The following CCDC178 variants were observed in gnomAD, a reference collection of about 807,000 sequenced individuals.
The protein encoded by CCDC178 is coiled-coil domain containing 178.
A neutral mutation model predicts 117.4 loss-of-function variants in CCDC178; 126 were observed. The observed-to-expected ratio is 1.07, with a 90% CI of 0.93 to 1.24. CCDC178 has a LOEUF of 1.24. Ranked by LOEUF, CCDC178 falls within the 50% of genes most tolerant of loss-of-function variation. The pLI is 0.00. For missense variants in CCDC178, 1,030 were observed against 986.9 expected (o/e 1.04, Z -0.59); for synonymous variants, 283 against 313.4 (o/e 0.90, Z 1.02).
chr18:32,943,971 T>G (rs2054293878), intron 22 of CCDC178, among the ~76,000 whole-genome samples: 1 of 152,208 alleles, frequency 6.6e-6, no homozygotes, highest in Admixed American at 6.5e-5. Context: ...CTTTCATATA[T>G]TCATGCAACA....
chr18:33,041,149 A>C (rs1404798040), intron 21 of CCDC178, among the ~76,000 whole-genome samples: 10 of 151,876 alleles, frequency 6.6e-5, no homozygotes, highest in Non-Finnish European at 1.3e-4. Flanking sequence ...CAAGACACAA[A>C]ATTTAAAATT....
At chr18:33,312,069 A>C (rs1422838695) in intron 11 of CCDC178, among the ~76,000 whole-genome samples, 2 of 152,218 alleles carry the variant, frequency 1.3e-5, no homozygotes, top group Non-Finnish European at 2.9e-5. Flanking sequence ...TCTGTTAAGA[A>C]ACTAAATGGA....
chr18:33,433,705 G>C (rs1257700601), intron 2 of CCDC178, among the ~76,000 whole-genome samples: 3 of 152,024 alleles, frequency 2.0e-5, no homozygotes, highest in African/African-American at 7.2e-5. Context: ...AAAACGCTAA[G>C]GTTTCCTGTT....
intron 4 of CCDC178, among the ~76,000 whole-genome samples, chr18:33,393,585 A>G (rs2063591703): frequency 6.6e-6 from 1 of 152,172 alleles, no homozygotes; most frequent in African/African-American, 2.4e-5. Context: ...ATGAAATTAA[A>G]TGCATCGAGT....
intron 5 of CCDC178, among the ~76,000 whole-genome samples, chr18:33,388,048 A>C (rs1176012503): frequency 1.3e-5 from 2 of 152,140 alleles, no homozygotes; most frequent in African/African-American, 2.4e-5. Flanking sequence ...AAAAAATGGG[A>C]AAAGGATATG....
chr18:33,409,782 A>C (rs1164742926), intron 3 of CCDC178, among the ~76,000 whole-genome samples: 8 of 152,196 alleles, frequency 5.3e-5, no homozygotes, highest in African/African-American at 1.9e-4. Context: ...AAGTGACAAA[A>C]GTAAATTTTA....
intron 21 of CCDC178, among the ~76,000 whole-genome samples, chr18:33,074,918 A>G (rs2057178140): frequency 6.6e-6 from 1 of 152,212 alleles, no homozygotes; most frequent in Non-Finnish European, 1.5e-5. Context: ...CAGATACTAC[A>G]GTATATTTGT....
intron 12 of CCDC178, among the ~76,000 whole-genome samples, chr18:33,289,367 C>T (rs773588505): frequency 3.9e-5 from 6 of 152,122 alleles, no homozygotes; most frequent in East Asian, 1.9e-4. Flanking sequence ...GTAATCCCAG[C>T]GCTTTGGAAG....
intron 22 of CCDC178, among the ~76,000 whole-genome samples, chr18:32,947,413 G>C (rs899150653): frequency 6.6e-6 from 1 of 152,138 alleles, no homozygotes; most frequent in African/African-American, 2.4e-5. Context: ...GTGTGTAGTG[G>C]TATCTCATTG....
chr18:33,140,284 G>A (rs2058185329), intron 20 of CCDC178, among the ~76,000 whole-genome samples: 1 of 152,150 alleles, frequency 6.6e-6, no homozygotes, highest in Non-Finnish European at 1.5e-5. Flanking sequence ...ATCACCTAGT[G>A]GAGTTGTGAG....
At chr18:33,385,984 T>G (rs1438995384) in intron 5 of CCDC178, among the ~76,000 whole-genome samples, 1 of 151,638 alleles carries the variant, frequency 6.6e-6, no homozygotes, top group African/African-American at 2.4e-5. Context: ...AAAGAGAAGA[T>G]TCAAATAAAC....
At chr18:33,218,406 G>C (rs1275000957) in intron 18 of CCDC178, among the ~76,000 whole-genome samples, 1 of 152,100 alleles carries the variant, frequency 6.6e-6, no homozygotes, top group African/African-American at 2.4e-5. Flanking sequence ...TAGGTTGCCT[G>C]TTCACTCTGA....
At chr18:32,942,817 T>C (rs998507934) in intron 22 of CCDC178, among the ~76,000 whole-genome samples, 1 of 152,170 alleles carries the variant, frequency 6.6e-6, no homozygotes, top group Non-Finnish European at 1.5e-5. Flanking sequence ...ACTTTTCCTA[T>C]GCATACTGAT....
chr18:33,273,711 T>G (rs2059914062), intron 12 of CCDC178, among the ~76,000 whole-genome samples: 1 of 151,658 alleles, frequency 6.6e-6, no homozygotes, highest in Admixed American at 6.6e-5. Flanking sequence ...TACACAAAAA[T>G]TAACTAAACT....
intron 20 of CCDC178, among the ~76,000 whole-genome samples, chr18:33,099,388 T>C (rs559905411): frequency 6.6e-6 from 1 of 152,064 alleles, no homozygotes; most frequent in East Asian, 1.9e-4. Flanking sequence ...AGCACTGGAA[T>C]GATAGTTTTG....
intron 20 of CCDC178, among the ~76,000 whole-genome samples, chr18:33,163,118 T>C (rs562350660): frequency 1.4e-4 from 22 of 152,298 alleles, no homozygotes; most frequent in African/African-American, 4.3e-4. Flanking sequence ...TTTTAATAAT[T>C]GCCATTCTGA....
chr18:33,123,251 C>T (rs536164678), intron 20 of CCDC178, among the ~76,000 whole-genome samples: 1 of 152,030 alleles, frequency 6.6e-6, no homozygotes, highest in African/African-American at 2.4e-5. Context: ...TTCATTCTTA[C>T]AACAATCCTG....
chr18:33,069,152 C>T (rs1391349101), intron 21 of CCDC178, among the ~76,000 whole-genome samples: 1 of 152,010 alleles, frequency 6.6e-6, no homozygotes, highest in African/African-American at 2.4e-5. Flanking sequence ...ATCAAAATAC[C>T]AATGACAGTC....
intron 9 of CCDC178, among the ~76,000 whole-genome samples, chr18:33,344,561 C>T (rs1460023755): frequency 6.6e-6 from 1 of 152,018 alleles, no homozygotes. Context: ...CCTAAAACTA[C>T]AATACCTAAG....
Sources: allele counts gnomAD v4.1 joint callset (sites outside exome capture counted in the v4.1 genomes callset), GRCh38; gene constraint gnomAD v4.1.1; transcripts MANE v1.5; gene names NCBI Gene and HGNC (gene_info 2026-07-23, HGNC 2026-07-21).